The following CTSW variants were observed in gnomAD, a reference collection of about 807,000 sequenced individuals.
CTSW encodes lymphopain.
Under a neutral mutation model 43.8 loss-of-function variants are expected in CTSW, and 42 were observed. The ratio of observed to expected loss-of-function variants is 0.96; its 90% confidence interval spans 0.75 to 1.24. The LOEUF (loss-of-function observed/expected upper bound fraction) is 1.24. Ranked by LOEUF, CTSW falls within the 50% of genes most tolerant of loss-of-function variation. The pLI is 0.00. For missense variants in CTSW, 475 were observed against 479.9 expected, an observed-to-expected ratio of 0.99 and a Z score of 0.09; for synonymous variants, 191 against 184.8, an observed-to-expected ratio of 1.03 and a Z score of -0.27.
chr11:65,881,719 G>A (rs571191800), intron 3 of CTSW, among the ~76,000 whole-genome samples, 199 bp downstream of exon 3: 1 of 152,266 alleles, frequency 6.6e-6, no homozygotes, highest in East Asian at 1.9e-4. Context: ...TCCTAATCCA[G>A]CCTAGGGGCC....
rs200630376 is a variant in CTSW, at chr11:65,882,484, T to A, written c.496T>A (p.Trp166Arg). Residue 166 changes from tryptophan (W) to arginine (R), a missense_variant, in exon 5 of 10, where the codon TGG becomes AGG. Physicochemically the swap from Trp to Arg is moderately radical, Grantham distance 101 (BLOSUM62 -3). Coordinates refer to ENST00000307886, the MANE Select transcript of CTSW (RefSeq NM_001335.4). ...MAAAGNIETL[W>R]RISFWDFVDV... The stretch of plus-strand genomic sequence containing the variant: ...AGCGGCAGGCAACATAGAGACCCTG[T>A]GGCGCATCAGTTTCTGGGATTTTGT... The A allele has an allele frequency of 7.5e-4, 1,217 of 1,614,056 alleles. 1 individual carries two copies. The highest frequency in any genetic ancestry group is 9.5e-4 in the Non-Finnish European group (1,119 of 1,180,018).
chr11:65,882,325 A>G lies in CTSW; in HGVS notation c.437A>G (p.Asp146Gly), dbSNP rs1320510378. 1.2e-6 allele frequency: 2 copies of G among 1,614,084 alleles called. No homozygotes were observed. Among genetic ancestry groups the G allele is most frequent in the Admixed American group, 3.3e-5 (2 of 60,018 alleles). The stretch of plus-strand genomic sequence containing the variant: ...GCCAGCGCCATCTCACCCATCAAGG[A>G]CCAGGTATCTGCCGCTACCCAGCTG... ...KVASAISPIK[D>G]QKNCNCCWAM... Residue 146 changes from aspartate (D) to glycine (G), a missense_variant, in exon 4 of 10, where the codon GAC becomes GGC. By Grantham distance (94) the Asp-to-Gly change is moderately conservative (BLOSUM62 -1). Coordinates refer to ENST00000307886, the MANE Select transcript of CTSW (RefSeq NM_001335.4).
At chr11:65,880,331 T>G (rs983284409) in intron 2 of CTSW, 45 bp downstream of exon 2, 5 of 1,531,190 alleles carry the variant, frequency 3.3e-6, no homozygotes, top group Non-Finnish European at 4.5e-6. Context: ...CCCACTTTTT[T>G]TTTTTTTGAG....
In CTSW at chr11:65,883,368, C is replaced by A; in HGVS notation, c.964C>A (p.His322Asn). The A allele has an allele frequency of 6.2e-7, 1 of 1,614,124 alleles. No homozygotes were observed. Among genetic ancestry groups the A allele is most frequent in the Non-Finnish European group, 8.5e-7 (1 of 1,180,018 alleles). The change falls in exon 9 of 10, where the codon CAC (histidine) becomes AAC (asparagine). Residue 322 changes from histidine (H) to asparagine (N), a missense_variant. Transcript: ENST00000307886. ...ATCGCAGTCTCAGCCTCAGCCTCCA[C>A]ACCCCACCCCATACTGGATCCTGAA... ...VSSQSQPQPP[H>N]PTPYWILKNS...
At position 65,882,264 on chromosome 11, in the gene CTSW, G is replaced by C. The variant is rs1267682109; in HGVS notation, c.376G>C (p.Glu126Gln). Residue 126 changes from glutamate (E) to glutamine (Q), a missense_variant, in exon 4 of 10, where the codon GAG (glutamate) becomes CAG (glutamine). Transcript: ENST00000307886. ...GREIRSEEPE[E>Q]SVPFSCDWRK... is the part of the protein sequence containing the mutation. ...AGAAATAAGGTCTGAAGAGCCAGAG[G>C]AGTCAGTACCTTTCAGCTGTGACTG... 1.9e-6 allele frequency: 3 copies of C among 1,614,202 alleles called. No homozygotes were observed. The highest frequency in any genetic ancestry group is 1.7e-6 in the Non-Finnish European group (2 of 1,180,030).
In CTSW at chr11:65,882,333, T is replaced by G. The variant is rs537932185; in HGVS notation, c.441+4T>G. On this transcript the variant is annotated splice_donor_region_variant and intron_variant, in intron 4 of 9. Coordinates refer to ENST00000307886, the MANE Select transcript of CTSW (RefSeq NM_001335.4). The stretch of plus-strand genomic sequence containing the variant: ...CATCTCACCCATCAAGGACCAGGTA[T>G]CTGCCGCTACCCAGCTGGCTCTAAT... 3.9e-5 allele frequency: 63 copies of G among 1,614,106 alleles called. No individual in the cohort carries two copies. The South Asian group carries it at 4.2e-4, about 11-fold the overall frequency.
chr11:65,881,423 G>A lies in CTSW; in HGVS notation c.189G>A (p.Leu63=), dbSNP rs1194192372. The part of the protein sequence containing the change: ...YLSPEEHAHR[L]DIFAHNLAQA... ...TTGGTCCAGAGCATGCTCACCGCCTGGACATCTTTGCCCACAACCTGGCCC... is the reference window on the plus strand; with the variant it reads ...TTGGTCCAGAGCATGCTCACCGCCTAGACATCTTTGCCCACAACCTGGCCC... The change falls in exon 3 of 10, where the codon CTG becomes CTA. Residue 63 remains leucine, a synonymous_variant. Coordinates refer to ENST00000307886, the MANE Select transcript of CTSW (RefSeq NM_001335.4). The A allele has an allele frequency of 3.7e-6, 6 of 1,604,590 alleles. No homozygotes were observed. The highest frequency in any genetic ancestry group is 4.3e-6 in the Non-Finnish European group (5 of 1,174,956).
chr11:65,880,325 C>CTT (rs201535604), intron 2 of CTSW, 39 bp downstream of exon 2: 3,470 of 1,297,056 alleles, frequency 2.7e-3, no homozygotes, highest in Non-Finnish European at 3.0e-3. Context: ...CAAGCCCCCA[C>CTT]TTTTTTTTTT....
At chr11:65,881,308 T>G (rs113802104) in intron 2 of CTSW, 99 bp from the exon 3 acceptor site, 3 of 688,858 alleles carry the variant, frequency 4.4e-6, no homozygotes, top group Non-Finnish European at 7.1e-6. Flanking sequence ...GAGCCAGTGC[T>G]CAACTGGGTG....
Position 65,881,520 on chromosome 11 carries a change from G to A in CTSW, c.286G>A (p.Glu96Lys), listed in dbSNP as rs750952674. Residue 96 changes from glutamate to lysine, a missense_variant and splice_region_variant, in exon 3 of 10, where the codon GAG (glutamate) becomes AAG (lysine). Transcript: ENST00000307886. ...FGVTPFSDLT[E>K]EEFGQLYGYR... Reference sequence around the variant, plus strand: ...GGTGACTCCATTCAGTGACCTCACAGGTACCATTAACCCTTCTGGCTCGTA... The same window carrying A: ...GGTGACTCCATTCAGTGACCTCACAAGTACCATTAACCCTTCTGGCTCGTA... 2.5e-6 allele frequency: 4 copies of A among 1,597,458 alleles called. No homozygotes were observed. The highest frequency in any genetic ancestry group is 1.3e-5 in the African/African-American group (1 of 74,526).
chr11:65,881,596 C>A lies in CTSW; in HGVS notation c.286+76C>A, dbSNP rs149533529. 5.4e-4 allele frequency: 528 copies of A among 983,576 alleles called. 3 individuals carry two copies. Among genetic ancestry groups the A allele is most frequent in the Non-Finnish European group, 6.7e-4 (443 of 661,754 alleles). The allele number at this position is 983,576 out of a possible 1,614,324, so 60.9% of individuals were successfully genotyped here. On this transcript the variant is annotated intron_variant, in intron 3 of 9. Coordinates refer to ENST00000307886, the MANE Select transcript of CTSW (RefSeq NM_001335.4). Reference sequence around the variant, plus strand: ...CAGGGACACTGGCAGCTGGACCCAGCGGACCTTCAATTTTTACTTCCCAGG... The same window carrying A: ...CAGGGACACTGGCAGCTGGACCCAGAGGACCTTCAATTTTTACTTCCCAGG...
chr11:65,883,716 C>A lies in CTSW; in HGVS notation c.*98C>A. The A allele has an allele frequency of 9.1e-7, 1 of 1,095,910 alleles. No individual in the cohort carries two copies. Among genetic ancestry groups the A allele is most frequent in the Non-Finnish European group, 1.4e-6 (1 of 735,930 alleles). The allele number at this position is 1,095,910 out of a possible 1,614,324, so 67.9% of individuals were successfully genotyped here. A position where few individuals can be genotyped will look rare whatever the true frequency, so the allele number is the denominator to read the frequency against. ...CCCATCCTCCCAATCTCAATACAGCCTGAATAAACCAAGACAAGACCTCTG... is the reference window on the plus strand; with the variant it reads ...CCCATCCTCCCAATCTCAATACAGCATGAATAAACCAAGACAAGACCTCTG... On this transcript the variant is annotated 3_prime_UTR_variant, in exon 10 of 10. Coordinates refer to ENST00000307886, the MANE Select transcript of CTSW (RefSeq NM_001335.4).
At chr11:65,881,307 C>A (rs553383227) in intron 2 of CTSW, 100 bp from the exon 3 acceptor site, 40 of 683,300 alleles carry the variant, frequency 5.9e-5, no homozygotes, top group Admixed American at 1.5e-4. Flanking sequence ...GGAGCCAGTG[C>A]TCAACTGGGT....
At chr11:65,882,570 TA>T in intron 5 of CTSW, 38 bp from the exon 6 acceptor site, 1 of 1,614,042 alleles carries the variant, frequency 6.2e-7, no homozygotes, top group East Asian at 2.2e-5. Context: ...GAGGGAGGCC[TA>T]GGGGCCTGGT....
Position 65,882,800 on chromosome 11 carries a change from ACTAC to A in CTSW, c.643_646del (p.Tyr215ArgfsTer47). The A allele has an allele frequency of 6.2e-7, 1 of 1,614,150 alleles. No individual in the cohort carries two copies. Reference sequence around the variant, plus strand: ...GCAGGCGGCCTGGCCAGTGAAAAGGACTACCCGTTCCAGGGCAAAGTCAGAGCCC... The same window carrying A: ...GCAGGCGGCCTGGCCAGTGAAAAGGACCGTTCCAGGGCAAAGTCAGAGCCC... On this transcript the variant is annotated frameshift_variant, in exon 7 of 10. Transcript: ENST00000307886. LOFTEE classifies it high-confidence loss of function.
rs868046006 is a variant in CTSW at position 65,883,121 on chromosome 11, G to A, written c.798G>A (p.Met266Ile). ...TYGPITVTIN[M>I]KPLQLYRKGV... ...GCCCCATCACCGTGACCATCAACATGAAGCCCCTTCAGGTGAGATGGGGGA... is the reference window on the plus strand; with the variant it reads ...GCCCCATCACCGTGACCATCAACATAAAGCCCCTTCAGGTGAGATGGGGGA... The change falls in exon 8 of 10, where the codon ATG becomes ATA. Residue 266 changes from methionine (M) to isoleucine (I), a missense_variant. Coordinates refer to ENST00000307886, the MANE Select transcript of CTSW (RefSeq NM_001335.4). 6.2e-7 allele frequency: 1 copy of A among 1,614,132 alleles called. No homozygotes were observed. The highest frequency in any genetic ancestry group is 1.1e-5 in the South Asian group (1 of 91,080).
In CTSW at chr11:65,881,367, G is replaced by A. The variant is rs764367859; in HGVS notation, c.173-40G>A. ...CCAGCGGCTACTTCCTGCCCCTAAG[G>A]GCTTGGGAGTCAGCCTAGGACAACT... On this transcript the variant is annotated intron_variant, in intron 2 of 9. Coordinates refer to ENST00000307886, the MANE Select transcript of CTSW (RefSeq NM_001335.4). The A allele has an allele frequency of 2.7e-6, 4 of 1,455,744 alleles. No homozygotes were observed. In the South Asian group the frequency reaches 3.8e-5, roughly 14 times the overall value. The allele number at this position is 1,455,744 out of a possible 1,614,324, so 90.2% of individuals were successfully genotyped here. A position where few individuals can be genotyped will look rare whatever the true frequency, so the allele number is the denominator to read the frequency against.
rs776975711 is a variant in CTSW at position 65,880,206 on chromosome 11, T to C, written c.92T>C (p.Leu31Pro). The change falls in exon 2 of 10, where the codon CTA (leucine) becomes CCA (proline). Residue 31 changes from leucine to proline, a missense_variant. Coordinates refer to ENST00000307886, the MANE Select transcript of CTSW (RefSeq NM_001335.4). Reference protein sequence around the residue: ...GIRGPLRAQDLGPQPLELKEA... With the variant: ...GIRGPLRAQDPGPQPLELKEA... The stretch of plus-strand genomic sequence containing the variant: ...CCACCCTTGGTTCCTTGCCAGGACC[T>C]AGGTCCCCAGCCGCTAGAGCTGAAA... 25 of 1,614,004 alleles carry C rather than the reference T, an allele frequency of 1.5e-5. No individual in the cohort carries two copies. The highest frequency in any genetic ancestry group is 2.1e-5 in the Non-Finnish European group (25 of 1,179,964).
rs748018695 is a variant in CTSW, at chr11:65,882,610, ACTG to A, written c.544_546del (p.Leu182del). The A allele has an allele frequency of 6.2e-7, 1 of 1,613,964 alleles. No homozygotes were observed. The highest frequency in any genetic ancestry group is 8.5e-7 in the Non-Finnish European group (1 of 1,180,022). ...CCACACTGTCCCTTCTTGCACCAGAACTGCTGGACTGTGGCCGCTGTGGGGATG... is the reference window on the plus strand; with the variant it reads ...CCACACTGTCCCTTCTTGCACCAGAACTGGACTGTGGCCGCTGTGGGGATG... On this transcript the variant is annotated inframe_deletion and splice_region_variant, in exon 6 of 10. Coordinates refer to ENST00000307886, the MANE Select transcript of CTSW (RefSeq NM_001335.4).
Sources: gnomAD v4.1 joint callset for allele counts (sites outside exome capture counted in the v4.1 genomes callset) on GRCh38, gnomAD v4.1.1 for gene constraint, MANE v1.5 for transcripts, NCBI Gene and HGNC (gene_info 2026-07-23, HGNC 2026-07-21) for gene names.